ACYP2: variants seen among roughly 807,000 people sequenced by gnomAD.
The protein encoded by ACYP2 is acylphosphatase-2.
A neutral mutation model predicts 11.2 loss-of-function variants in ACYP2; 12 were observed. That is an observed-to-expected ratio of 1.08 (90% CI 0.69 to 1.74). ACYP2 has a LOEUF of 1.74. Ranked by LOEUF, ACYP2 falls within the 40% of genes most tolerant of loss-of-function variation. The probability of loss-of-function intolerance (pLI) is 0.00; values close to 1 mark genes in which losing one functional copy is unlikely to be tolerated. For missense variants in ACYP2, 134 were observed against 101.9 expected, an observed-to-expected ratio of 1.31 and a Z score of -1.35; for synonymous variants, 43 against 32.2, an observed-to-expected ratio of 1.33 and a Z score of -1.13.
At chr2:54,042,172 A>G (rs1320181717) in intron 2 of ACYP2, among the ~76,000 whole-genome samples, 2 of 151,938 alleles carry the variant, frequency 1.3e-5, no homozygotes, top group Non-Finnish European at 2.9e-5. Context: ...ACACCCTGCT[A>G]ATTTTGTATT....
At chr2:54,082,944 G>C (rs1047996351) in intron 4 of ACYP2, among the ~76,000 whole-genome samples, 1 of 151,976 alleles carries the variant, frequency 6.6e-6, no homozygotes, top group Admixed American at 6.6e-5. Context: ...GCTTGGTGGT[G>C]AGCATCTGTA....
intron 6 of ACYP2, among the ~76,000 whole-genome samples, chr2:54,172,991 G>A (rs1482126890): frequency 6.6e-6 from 1 of 152,176 alleles, no homozygotes; most frequent in African/African-American, 2.4e-5. Context: ...ATTGTGAATA[G>A]TGCCGCAATA....
chr2:54,225,720 AGAG>A (rs1248497980), intron 6 of ACYP2, among the ~76,000 whole-genome samples: 1 of 152,216 alleles, frequency 6.6e-6, no homozygotes, highest in Non-Finnish European at 1.5e-5. Context: ...ATACTAAATG[AGAG>A]GACCCACTGA....
chr2:53,975,150 G>C, intron 2 of ACYP2: 1 of 389,836 alleles, frequency 2.6e-6, no homozygotes, highest in Admixed American at 4.5e-5. Context: ...GCTTGAACCC[G>C]GGAGGCAGAG....
rs754718535 is a variant in ACYP2 at position 54,051,684 on chromosome 2, A to G, written c.155+634A>G. On this transcript the variant is annotated intron_variant, in intron 3 of 6. Coordinates refer to ENST00000607452, the MANE Select transcript of ACYP2 (RefSeq NM_001320586.2). ...GAAAAATATGAAAGGATATTGCTGC[A>G]TATTGAGCTAAAGGAAAGCCTGATG... 4.9e-5 allele frequency: 33 copies of G among 666,736 alleles called. No homozygotes were observed. The East Asian group carries it at 9.2e-4, about 19-fold the overall frequency. The allele number at this position is 666,736 out of a possible 1,614,324, so 41.3% of individuals were successfully genotyped here. A position where few individuals can be genotyped will look rare whatever the true frequency, so the allele number is the denominator to read the frequency against.
intron 2 of ACYP2, among the ~76,000 whole-genome samples, chr2:53,981,172 A>G (rs1671744943): frequency 6.6e-6 from 1 of 152,238 alleles, no homozygotes. Context: ...CATGCTGTAC[A>G]GATTTGTTGC....
At chr2:54,177,905 A>ATTTTT (rs1278343210) in intron 6 of ACYP2, among the ~76,000 whole-genome samples, 1 of 33,214 alleles carries the variant, frequency 3.0e-5, no homozygotes, top group African/African-American at 1.4e-4. Flanking sequence ...TTCTTTCTTT[A>ATTTTT]TTTTTTTTTT....
At chr2:54,205,254 C>G (rs1685023802) in intron 6 of ACYP2, among the ~76,000 whole-genome samples, 1 of 152,116 alleles carries the variant, frequency 6.6e-6, no homozygotes, top group Non-Finnish European at 1.5e-5. Context: ...CCCATGGGAG[C>G]TGGTCTAAAA....
chr2:54,232,860 C>T (rs998645803), intron 6 of ACYP2, among the ~76,000 whole-genome samples: 5 of 152,146 alleles, frequency 3.3e-5, no homozygotes, highest in African/African-American at 9.7e-5. Flanking sequence ...AAGATGCAGT[C>T]ACCTCCCACC....
chr2:54,204,000 T>C (rs899995397), intron 6 of ACYP2, among the ~76,000 whole-genome samples: 1 of 151,908 alleles, frequency 6.6e-6, no homozygotes, highest in African/African-American at 2.4e-5. Context: ...TTGTTGTTGT[T>C]ATTGTTGTTT....
At chr2:54,180,655 A>G (rs999420037) in intron 6 of ACYP2, among the ~76,000 whole-genome samples, 1 of 152,110 alleles carries the variant, frequency 6.6e-6, no homozygotes, top group Non-Finnish European at 1.5e-5. Flanking sequence ...CCTGGGCTCA[A>G]ACAATCCTCC....
intron 6 of ACYP2, among the ~76,000 whole-genome samples, chr2:54,166,302 A>G (rs1477396073): frequency 3.3e-5 from 5 of 152,188 alleles, no homozygotes; most frequent in African/African-American, 1.2e-4. Context: ...AGTATCTGCT[A>G]TATGTCAGGC....
intron 2 of ACYP2, among the ~76,000 whole-genome samples, chr2:54,016,827 G>A (rs933081331): frequency 2.0e-5 from 3 of 149,872 alleles, no homozygotes; most frequent in East Asian, 4.0e-4. Context: ...CTGGGTTCAC[G>A]CCATTCTCCT....
intron 4 of ACYP2, among the ~76,000 whole-genome samples, chr2:54,129,245 A>T (rs566245419): frequency 1.3e-5 from 2 of 152,058 alleles, no homozygotes; most frequent in South Asian, 2.1e-4. Flanking sequence ...CAGGATTGTG[A>T]TTTTCAGGAT....
chr2:54,198,036 T>TGTATTGTA (rs1462389697), intron 6 of ACYP2, among the ~76,000 whole-genome samples: 1 of 144,024 alleles, frequency 6.9e-6, no homozygotes, highest in East Asian at 2.0e-4. Flanking sequence ...TGTATTGTAT[T>TGTATTGTA]TTAAGACAGT....
chr2:54,170,156 T>C (rs1021470161), intron 6 of ACYP2, among the ~76,000 whole-genome samples: 2 of 152,078 alleles, frequency 1.3e-5, no homozygotes, highest in East Asian at 3.9e-4. Context: ...GTTGTTCATT[T>C]CTTCTTTTTA....
chr2:54,279,577 G>T (rs1688755314), intron 6 of ACYP2, among the ~76,000 whole-genome samples: 1 of 151,242 alleles, frequency 6.6e-6, no homozygotes, highest in Admixed American at 6.6e-5. Flanking sequence ...ACCCCCAGTG[G>T]CAGGATCCAG....
chr2:54,219,302 C>CT (rs536443105), intron 6 of ACYP2, among the ~76,000 whole-genome samples: 63 of 151,230 alleles, frequency 4.2e-4, no homozygotes, highest in African/African-American at 1.1e-3. Context: ...GTGAGAAGCA[C>CT]TTTTTTTTTG....
chr2:54,161,941 A>AT (rs1274569127), intron 6 of ACYP2, among the ~76,000 whole-genome samples: 1 of 152,058 alleles, frequency 6.6e-6, no homozygotes, highest in African/African-American at 2.4e-5. Flanking sequence ...AGAAGCAGCT[A>AT]TTTTGGGATT....
Sources: allele counts gnomAD v4.1 joint callset (sites outside exome capture counted in the v4.1 genomes callset), GRCh38; gene constraint gnomAD v4.1.1; transcripts MANE v1.5; gene names NCBI Gene and HGNC (gene_info 2026-07-23, HGNC 2026-07-21).